Variants in SREBF1 observed in about 807,000 individuals in gnomAD.
SREBF1 encodes the protein sterol regulatory element binding transcription factor 1.
Under a neutral mutation model 100.1 loss-of-function variants are expected in SREBF1, and 45 were observed. That is an observed-to-expected ratio of 0.45 (90% CI 0.35 to 0.58). The LOEUF (loss-of-function observed/expected upper bound fraction) is 0.58, where lower values mean the gene tolerates loss of function less well. Among genes scored for constraint, SREBF1 ranks in the 20% least tolerant of loss-of-function variants. SREBF1 has a pLI of 0.00. For missense variants in SREBF1, 1,324 were observed against 1,539.4 expected (o/e 0.86, Z 2.34); for synonymous variants, 657 against 681.8 (o/e 0.96, Z 0.57).
At chr17:17,828,208 C>T (rs2034612637) in intron 1 of SREBF1, among the ~76,000 whole-genome samples, 1 of 152,242 alleles carries the variant, frequency 6.6e-6, no homozygotes, top group Non-Finnish European at 1.5e-5. Context: ...TTCTGAACAC[C>T]ACAAGCTATT....
rs781160640 is a variant in SREBF1 at position 17,820,150 on chromosome 17, G to GTGGGGC, written c.457_462dup (p.Ala153_Pro154dup). 238 of 1,613,296 alleles carry GTGGGGC rather than the reference G, an allele frequency of 1.5e-4. 4 individuals are homozygous for GTGGGGC. The East Asian group carries it at 5.2e-3, about 35-fold the overall frequency. On this transcript the variant is annotated inframe_insertion, in exon 2 of 19. Coordinates refer to ENST00000261646, the MANE Select transcript of SREBF1 (RefSeq NM_004176.5). ...AACACAGGGGTGGAGCTGAACTGCG[G>GTGGGGC]TGGGGCTGGGGCTGGGAAGCTCTGT...
chr17:17,826,285 T>C (rs1288147859), intron 1 of SREBF1, among the ~76,000 whole-genome samples: 1 of 149,992 alleles, frequency 6.7e-6, no homozygotes, highest in African/African-American at 2.4e-5. Context: ...ACTGAGTCTT[T>C]TTTTTTTTTT....
At chr17:17,826,479 A>G (rs1043411755) in intron 1 of SREBF1, among the ~76,000 whole-genome samples, 2 of 152,204 alleles carry the variant, frequency 1.3e-5, no homozygotes, top group East Asian at 1.9e-4. Flanking sequence ...GGGCTTCCCT[A>G]TGAACACTGA....
At chr17:17,813,506 G>A in intron 17 of SREBF1, 27 bp from the exon 18 acceptor site, 1 of 1,589,292 alleles carries the variant, frequency 6.3e-7, no homozygotes, top group Non-Finnish European at 8.6e-7. Flanking sequence ...TGGAGGCTCA[G>A]GGCTCTCCAT....
Position 17,817,531 on chromosome 17 carries a change from G to T in SREBF1, c.1405-74C>A, listed in dbSNP as rs765863137. The T allele has an allele frequency of 1.3e-6, 2 of 1,537,372 alleles. No homozygotes were observed. On this transcript the variant is annotated intron_variant, in intron 7 of 18. Transcript: ENST00000261646. This position sits in a 1 kb window ranked among gnomAD's most constrained non-coding sequence, Gnocchi z 6.6. ...AGAGCATGGGGCTGGGAAGGGGGGG[G>T]TCAGGATTCTGCCCACCTTACTGTG...
intron 1 of SREBF1, among the ~76,000 whole-genome samples, chr17:17,831,707 TC>T (rs1447783143): frequency 6.6e-6 from 1 of 151,880 alleles, no homozygotes; most frequent in African/African-American, 2.4e-5. Flanking sequence ...TGATCCATCC[TC>T]CCCCGACAGC....
chr17:17,817,462 TG>T lies in SREBF1; in HGVS notation c.1405-6del. ...CGGCCGCTGCTCTGGCTTTGCCTGGTGGGGTTGGGCAGGGTGGTGAGGGCAG... is the reference window on the plus strand; with the variant it reads ...CGGCCGCTGCTCTGGCTTTGCCTGGTGGGTTGGGCAGGGTGGTGAGGGCAG... On this transcript the variant is annotated splice_region_variant and splice_polypyrimidine_tract_variant and intron_variant, in intron 7 of 18. Coordinates refer to ENST00000261646, the MANE Select transcript of SREBF1 (RefSeq NM_004176.5). The surrounding 1 kb of genome is among the most constrained non-coding windows in gnomAD (Gnocchi z 6.6). 2 of 1,575,274 alleles carry T rather than the reference TG, an allele frequency of 1.3e-6. No individual in the cohort carries two copies. The highest frequency in any genetic ancestry group is 1.8e-5 in the Admixed American group (1 of 54,676).
In SREBF1 at chr17:17,813,698, C is replaced by T. The variant is rs534092070; in HGVS notation, c.2973G>A (p.Pro991=). 9.7e-6 allele frequency: 15 copies of T among 1,538,954 alleles called. No individual in the cohort carries two copies. Among genetic ancestry groups the T allele is most frequent in the African/African-American group, 2.7e-5 (2 of 73,204 alleles). The part of the protein sequence containing the change: ...RTSLWRQQQP[P]APAPAAQGTS... ...TGCCCTGGGCTGCTGGGGCCGGGGC[C>T]GGGGGCTGCTGCTGCCGCCACAGGC... is the stretch of plus-strand genomic sequence containing the variant. The change falls in exon 17 of 19, where the codon CCG becomes CCA. Residue 991 remains proline (P), a synonymous_variant. Coordinates refer to ENST00000261646, the MANE Select transcript of SREBF1 (RefSeq NM_004176.5).
rs998268072 is a variant in SREBF1 at position 17,817,796 on chromosome 17, G to A, written c.1304C>T (p.Pro435Leu). The A allele has an allele frequency of 6.2e-7, 1 of 1,613,784 alleles. No individual in the cohort carries two copies. Among genetic ancestry groups the A allele is most frequent in the Non-Finnish European group, 8.5e-7 (1 of 1,180,026 alleles). Residue 435 changes from proline to leucine, a missense_variant, in exon 7 of 19, where the codon CCT becomes CTT. Transcript: ENST00000261646. The surrounding 1 kb of genome is among the most constrained non-coding windows in gnomAD (Gnocchi z 6.6). ...LTPPPSDAGSPFQSSPLSLGS... is the reference protein window; with the variant it reads ...LTPPPSDAGSLFQSSPLSLGS... The stretch of plus-strand genomic sequence containing the variant: ...AAGGGACAAGGGGCTGCTCTGGAAA[G>A]GTGAGCCAGCATCCGAGGGGGGTGG...
intron 1 of SREBF1, chr17:17,823,601 ACTT>A: frequency 6.2e-7 from 1 of 1,611,660 alleles, no homozygotes; most frequent in Middle Eastern, 1.7e-4. Context: ...CCCCGCGCCG[ACTT>A]CACCTGTCAA....
chr17:17,836,621 A>G, intron 1 of SREBF1, 106 bp downstream of exon 1: 2 of 1,161,120 alleles, frequency 1.7e-6, no homozygotes, highest in Non-Finnish European at 2.5e-6. Context: ...GCGCGAGCAC[A>G]GCACGGAGCT....
At chr17:17,816,882 G>A in intron 9 of SREBF1, 76 bp downstream of exon 9, 1 of 1,603,804 alleles carries the variant, frequency 6.2e-7, no homozygotes. Flanking sequence ...CAGGGAGCAG[G>A]AACAAGGGTT....
At position 17,816,187 on chromosome 17, in the gene SREBF1, C is replaced by CCGGGCG; in HGVS notation, c.2214+19_2214+20insCGCCCG. 1 of 1,345,636 alleles carries CCGGGCG rather than the reference C, an allele frequency of 7.4e-7. No individual in the cohort carries two copies. The highest frequency in any genetic ancestry group is 9.8e-7 in the Non-Finnish European group (1 of 1,016,288). The allele number at this position is 1,345,636 out of a possible 1,614,324, so 83.4% of individuals were successfully genotyped here. Reference sequence around the variant, plus strand: ...GGAGAGAGCTGCAGGGATAAGCCCCCAGCCCCCCAACCCACTCACTGTCAG... The same window carrying CCGGGCG: ...GGAGAGAGCTGCAGGGATAAGCCCCCCGGGCGAGCCCCCCAACCCACTCACTGTCAG... On this transcript the variant is annotated intron_variant, in intron 11 of 18. Coordinates refer to ENST00000261646, the MANE Select transcript of SREBF1 (RefSeq NM_004176.5).
At chr17:17,815,676 T>C (rs969419671) in intron 12 of SREBF1, 184 bp downstream of exon 12, 3 of 656,460 alleles carry the variant, frequency 4.6e-6, no homozygotes, top group Non-Finnish European at 8.0e-6. Flanking sequence ...CATGTGCTTC[T>C]GAAAGCCCCA....
chr17:17,823,834 G>C (rs1213999363), intron 1 of SREBF1, among the ~76,000 whole-genome samples: 1 of 151,838 alleles, frequency 6.6e-6, no homozygotes, highest in Non-Finnish European at 1.5e-5. Flanking sequence ...TCCCCACGGC[G>C]GCGGGGGCTC....
At chr17:17,830,943 C>T (rs1216935723) in intron 1 of SREBF1, among the ~76,000 whole-genome samples, 4 of 152,238 alleles carry the variant, frequency 2.6e-5, no homozygotes, top group South Asian at 2.1e-4. Context: ...TTCCTCTGGC[C>T]GGCCTGGGCT....
rs766587240 is a variant in SREBF1 at position 17,817,921 on chromosome 17, G to T, written c.1184-5C>A. ...ACACCAGATCCTTCAGAGATTCTGT[G>T]GGCCGAAAGGAACAGAGCCAGGAGT... On this transcript the variant is annotated splice_region_variant and splice_polypyrimidine_tract_variant and intron_variant, in intron 6 of 18. Coordinates refer to ENST00000261646, the MANE Select transcript of SREBF1 (RefSeq NM_004176.5). The surrounding 1 kb of genome is among the most constrained non-coding windows in gnomAD (Gnocchi z 6.6). 1.2e-6 allele frequency: 2 copies of T among 1,600,174 alleles called. No individual in the cohort carries two copies. Among genetic ancestry groups the T allele is most frequent in the East Asian group, 4.5e-5 (2 of 44,876 alleles).
intron 2 of SREBF1, 40 bp from the exon 3 acceptor site, chr17:17,819,765 C>T: frequency 6.5e-7 from 1 of 1,544,680 alleles, no homozygotes; most frequent in Non-Finnish European, 8.7e-7. Context: ...ACAGACCTCC[C>T]TCTCCCACTT....
At position 17,814,252 on chromosome 17, in the gene SREBF1, A is replaced by G; in HGVS notation, c.2894T>C (p.Ile965Thr). Residue 965 changes from isoleucine to threonine, a missense_variant, in exon 16 of 19, where the codon ATT (isoleucine) becomes ACT (threonine). Ile to Thr is a moderately conservative substitution (Grantham distance 89). Transcript: ENST00000261646. ...CCTGACCCCACCCCTCACCTTGTCA[A>G]TGGAGCTGCTGGCTGGTGTGGTAGC... ...SLATTPASSS[I>T]DKAVQLFLCD... 3.7e-6 allele frequency: 6 copies of G among 1,605,962 alleles called. No homozygotes were observed. The highest frequency in any genetic ancestry group is 1.7e-4 in the Middle Eastern group (1 of 6,044).
Sources: allele counts gnomAD v4.1 joint callset (sites outside exome capture counted in the v4.1 genomes callset), GRCh38; gene constraint gnomAD v4.1.1; non-coding constraint Gnocchi (gnomAD v3.1); transcripts MANE v1.5; gene names NCBI Gene and HGNC (gene_info 2026-07-23, HGNC 2026-07-21).